Variants in OR6N1 observed in about 807,000 individuals in gnomAD.
OR6N1 encodes olfactory receptor family 6 subfamily N member 1, also known as olfactory receptor 6N1.
For synonymous variants in OR6N1, 170 were observed against 150.7 expected, an observed-to-expected ratio of 1.13 and a Z score of -0.94; for missense variants, 394 against 371.7, an observed-to-expected ratio of 1.06 and a Z score of -0.49.
chr1:158,782,759 T>C, the OR6N1 span, among the ~76,000 whole-genome samples: 1 of 152,208 alleles, frequency 6.6e-6, no homozygotes, highest in Admixed American at 6.5e-5. Flanking sequence ...TAGAAGACAA[T>C]ATATTTTTCT....
At chr1:158,817,677 C>T in the OR6N1 span, among the ~76,000 whole-genome samples, 1 of 152,162 alleles carries the variant, frequency 6.6e-6, no homozygotes, top group African/African-American at 2.4e-5. Context: ...TTCCAGGAGA[C>T]ATGCCTACCT....
At chr1:158,810,795 C>G in the OR6N1 span, among the ~76,000 whole-genome samples, 1 of 152,184 alleles carries the variant, frequency 6.6e-6, no homozygotes, top group East Asian at 1.9e-4. Context: ...CTGGTAAGAA[C>G]AGCCAAATGA....
At chr1:158,831,551 C>A in the OR6N1 span, 2 of 152,116 alleles carry the variant, frequency 1.3e-5, no homozygotes, top group South Asian at 4.1e-4. Flanking sequence ...AAGAAGCATC[C>A]ATTAAGGTGA....
intron 1 of OR6N1, among the ~76,000 whole-genome samples, chr1:158,768,262 A>C (rs1184894599): frequency 1.3e-5 from 2 of 152,068 alleles, no homozygotes; most frequent in Non-Finnish European, 1.5e-5. Context: ...ATCTCAGGCG[A>C]TATTTTTCTC....
the OR6N1 span, among the ~76,000 whole-genome samples, chr1:158,787,635 T>TCTCTCTCTCACACACA: frequency 2.9e-4 from 39 of 134,312 alleles, no homozygotes; most frequent in African/African-American, 7.7e-4. Flanking sequence ...TCTCTCTCTC[T>TCTCTCTCTCACACACA]CACACACACA....
chr1:158,819,880 C>T, the OR6N1 span, among the ~76,000 whole-genome samples: 2 of 152,130 alleles, frequency 1.3e-5, no homozygotes, highest in East Asian at 3.9e-4. Context: ...GAGTTCAGCT[C>T]GGTCAGGGAG....
chr1:158,780,336 CA>C, the OR6N1 span, among the ~76,000 whole-genome samples: 1 of 152,288 alleles, frequency 6.6e-6, no homozygotes, highest in African/African-American at 2.4e-5. Context: ...ATTTCAGGAG[CA>C]CCCTAAAGGC....
At chr1:158,825,793 A>T in the OR6N1 span, among the ~76,000 whole-genome samples, 9 of 152,216 alleles carry the variant, frequency 5.9e-5, no homozygotes, top group African/African-American at 2.2e-4. Context: ...CCAAAGGAAT[A>T]TACATCCCTC....
chr1:158,791,813 C>T, the OR6N1 span, among the ~76,000 whole-genome samples: 1 of 152,126 alleles, frequency 6.6e-6, no homozygotes, highest in African/African-American at 2.4e-5. Flanking sequence ...TCTGGCCTAT[C>T]ATATAGTCTA....
chr1:158,821,079 G>C, the OR6N1 span, among the ~76,000 whole-genome samples: 4 of 152,212 alleles, frequency 2.6e-5, no homozygotes, highest in South Asian at 8.3e-4. Context: ...ACAAGCTCTA[G>C]TCTTCCTGGA....
chr1:158,791,326 T>G, the OR6N1 span, among the ~76,000 whole-genome samples: 11 of 152,194 alleles, frequency 7.2e-5, no homozygotes, highest in African/African-American at 2.7e-4. Context: ...TGAAAAAAAT[T>G]AATTTTTCTC....
At chr1:158,791,337 T>C in the OR6N1 span, among the ~76,000 whole-genome samples, 1 of 152,234 alleles carries the variant, frequency 6.6e-6, no homozygotes, top group Non-Finnish European at 1.5e-5. Context: ...AATTTTTCTC[T>C]TAATTTCATT....
chr1:158,793,629 T>C, the OR6N1 span, among the ~76,000 whole-genome samples: 1 of 152,168 alleles, frequency 6.6e-6, no homozygotes, highest in Non-Finnish European at 1.5e-5. Flanking sequence ...TGTAAGCAGG[T>C]TCACTGTCTC....
At chr1:158,804,973 T>G in the OR6N1 span, among the ~76,000 whole-genome samples, 2 of 152,198 alleles carry the variant, frequency 1.3e-5, no homozygotes, top group African/African-American at 2.4e-5. Context: ...TATAAGTTTT[T>G]TAAACATGTA....
At chr1:158,823,580 T>G in the OR6N1 span, among the ~76,000 whole-genome samples, 1 of 152,222 alleles carries the variant, frequency 6.6e-6, no homozygotes, top group South Asian at 2.1e-4. Context: ...CTGATTGTGC[T>G]TATTTGGATC....
At chr1:158,805,514 T>TA in the OR6N1 span, among the ~76,000 whole-genome samples, 1 of 152,194 alleles carries the variant, frequency 6.6e-6, no homozygotes, top group Non-Finnish European at 1.5e-5. Flanking sequence ...TCAATTCCCT[T>TA]AGGTCCTATC....
chr1:158,791,240 T>C, the OR6N1 span, among the ~76,000 whole-genome samples: 1 of 152,210 alleles, frequency 6.6e-6, no homozygotes, highest in Non-Finnish European at 1.5e-5. Flanking sequence ...CCTTTAATGC[T>C]ATAAACATCG....
At chr1:158,820,884 C>G in the OR6N1 span, among the ~76,000 whole-genome samples, 1 of 152,132 alleles carries the variant, frequency 6.6e-6, no homozygotes, top group Admixed American at 6.5e-5. Flanking sequence ...AATGTTTCAA[C>G]GTATGCATAC....
At chr1:158,840,090 G>A in the OR6N1 span, among the ~76,000 whole-genome samples, 3 of 152,100 alleles carry the variant, frequency 2.0e-5, no homozygotes, top group Non-Finnish European at 4.4e-5. Context: ...ACTACTTAAT[G>A]CATACATTGT....
Sources: gnomAD v4.1 joint callset for allele counts (sites outside exome capture counted in the v4.1 genomes callset) on GRCh38, gnomAD v4.1.1 for gene constraint, MANE v1.5 for transcripts, NCBI Gene and HGNC (gene_info 2026-07-23, HGNC 2026-07-21) for gene names.